Variants in SVIL observed in about 807,000 individuals in gnomAD.
SVIL encodes the protein archvillin.
SVIL carries 101 observed loss-of-function variants against 240.4 expected under a neutral mutation model. The ratio of observed to expected loss-of-function variants is 0.42; its 90% CI spans 0.36 to 0.50. The LOEUF (loss-of-function observed/expected upper bound fraction) is 0.50, where lower values mean the gene tolerates loss of function less well. Ranked by LOEUF, SVIL falls within the 20% of genes least tolerant of loss-of-function variation. The pLI is 0.01. For missense variants in SVIL, 2,512 were observed against 2,818.7 expected, an observed-to-expected ratio of 0.89 and a Z score of 2.46; for synonymous variants, 999 against 1,100.0, an observed-to-expected ratio of 0.91 and a Z score of 1.82.
chr10:29,655,545 C>T (rs1314457711), intron 3 of SVIL, among the ~76,000 whole-genome samples: 1 of 152,208 alleles, frequency 6.6e-6, no homozygotes, highest in African/African-American at 2.4e-5. Context: ...GGGTCTTCCT[C>T]TCCCACTCCA....
rs749465942 is a variant in SVIL at position 29,465,665 on chromosome 10, A to C, written c.6063T>G (p.Pro2021=). 6.2e-7 allele frequency: 1 copy of C among 1,613,754 alleles called. No individual in the cohort carries two copies. Among genetic ancestry groups the C allele is most frequent in the Non-Finnish European group, 8.5e-7 (1 of 1,179,982 alleles). ...AACTGACCACAGAGGGGGCTCGGGC[A>C]GGGTACACAAACTCTGTGGCTGCAA... is the stretch of plus-strand genomic sequence containing the variant. ...GDFAATEFVY[P]ARAPSVVSSM... is the part of the protein sequence containing the mutation. Residue 2021 remains proline (P), a synonymous_variant, in exon 34 of 38, where the codon CCT becomes CCG. Transcript: ENST00000355867.
At chr10:29,623,023 T>C (rs1326084580) in intron 1 of SVIL, among the ~76,000 whole-genome samples, 1 of 152,138 alleles carries the variant, frequency 6.6e-6, no homozygotes, top group Non-Finnish European at 1.5e-5. Flanking sequence ...TGCGAGTGTG[T>C]GTGTGTGCAT....
At chr10:29,618,862 G>A (rs1327101377) in intron 1 of SVIL, among the ~76,000 whole-genome samples, 11 of 152,036 alleles carry the variant, frequency 7.2e-5, no homozygotes, top group Non-Finnish European at 7.4e-5. Context: ...CTGGGACTAC[G>A]GGCATAGGCC....
chr10:29,505,644 AC>A (rs1250487824), intron 17 of SVIL, among the ~76,000 whole-genome samples: 1 of 152,184 alleles, frequency 6.6e-6, no homozygotes, highest in African/African-American at 2.4e-5. Flanking sequence ...AATGGACCAC[AC>A]CAAAAGTAAA....
intron 8 of SVIL, 105 bp from the exon 9 acceptor site, chr10:29,532,277 C>G: frequency 7.3e-7 from 1 of 1,366,340 alleles, no homozygotes; most frequent in East Asian, 2.4e-5. Context: ...ACAGACACCA[C>G]CAAACCCCTC....
At position 29,523,651 on chromosome 10, in the gene SVIL, T is replaced by C. The variant is rs367906431; in HGVS notation, c.2963A>G (p.His988Arg). The C allele has an allele frequency of 1.9e-6, 3 of 1,614,028 alleles. No individual in the cohort carries two copies. Among genetic ancestry groups the C allele is most frequent in the African/African-American group, 2.7e-5 (2 of 74,930 alleles). ...ILNRAREGDS[H>R]KESKYAVPRR... ...GGGAACAGCATATTTAGATTCCTTA[T>C]GGCTGTCTCCTTCCCTGGCTCGGTT... is the stretch of plus-strand genomic sequence containing the variant. Residue 988 changes from histidine (H) to arginine (R), a missense_variant, in exon 15 of 38, where the codon CAT becomes CGT. By Grantham distance (29) the His-to-Arg change is conservative. Coordinates refer to ENST00000355867, the MANE Select transcript of SVIL (RefSeq NM_021738.3).
At chr10:29,527,129 T>A in intron 12 of SVIL, 73 bp from the exon 13 acceptor site, 1 of 1,344,640 alleles carries the variant, frequency 7.4e-7, no homozygotes. Flanking sequence ...GACAGCATAG[T>A]TTTAAATTCA....
intron 17 of SVIL, among the ~76,000 whole-genome samples, chr10:29,505,903 GA>G: frequency 6.6e-6 from 1 of 152,084 alleles, no homozygotes; most frequent in African/African-American, 2.4e-5. Context: ...GGACCTCCTA[GA>G]GATACCAAAA....
chr10:29,731,196 G>A (rs762271515), intron 1 of SVIL, among the ~76,000 whole-genome samples: 9 of 152,142 alleles, frequency 5.9e-5, no homozygotes, highest in Non-Finnish European at 1.2e-4. Context: ...GTTTACGTCT[G>A]TTGTTTCTGA....
At chr10:29,591,828 G>A (rs762650156) in intron 1 of SVIL, among the ~76,000 whole-genome samples, 2 of 152,252 alleles carry the variant, frequency 1.3e-5, no homozygotes, top group Non-Finnish European at 2.9e-5. Flanking sequence ...GGAGATCCAA[G>A]TGCTCTGGGT....
intron 1 of SVIL, among the ~76,000 whole-genome samples, chr10:29,713,262 CTGTGTGTG>C (rs10647219): frequency 2.0e-5 from 3 of 148,468 alleles, no homozygotes; most frequent in African/African-American, 7.4e-5. Context: ...GTACATGCCT[CTGTGTGTG>C]TGTGTGTGTG....
chr10:29,508,290 A>T, intron 17 of SVIL: 1 of 1,190,124 alleles, frequency 8.4e-7, no homozygotes, highest in Non-Finnish European at 1.1e-6. Context: ...ACCCACGCGA[A>T]GTGTAATTCT....
chr10:29,471,855 C>A lies in SVIL; in HGVS notation c.5530-612G>T, dbSNP rs112952221. Among the ~76,000 whole-genome samples, 805 of 152,354 alleles carry A rather than the reference C, an allele frequency of 5.3e-3. 9 individuals are homozygous for A. The highest frequency in any genetic ancestry group is 0.018 in the African/African-American group (765 of 41,584). The stretch of plus-strand genomic sequence containing the variant: ...GTAGTCAGGGAGCACTGAGAGAAAG[C>A]ATTTCTCACTGTGAGTTATCAATCT... On this transcript the variant is annotated intron_variant, in intron 30 of 37. Transcript: ENST00000355867.
intron 1 of SVIL, among the ~76,000 whole-genome samples, chr10:29,612,145 G>A (rs1300509632): frequency 6.6e-6 from 1 of 152,094 alleles, no homozygotes; most frequent in Non-Finnish European, 1.5e-5. Context: ...ATAAGAGAAT[G>A]TGCTTCCACC....
rs548055419 is a variant in SVIL, at chr10:29,732,017, C to T, written c.-400+3734G>A. Among the ~76,000 whole-genome samples the T allele has an allele frequency of 6.5e-4, 99 of 152,368 alleles. 1 individual carries two copies. The highest frequency in any genetic ancestry group is 2.3e-3 in the African/African-American group (95 of 41,586). ...AGGTCTGGCGCATGCCCTGCAGCGG[C>T]TTCTTTCTTTCCAGATGGAGTGCAA... is the stretch of plus-strand genomic sequence containing the variant. On this transcript the variant is annotated intron_variant, in intron 1 of 35. Coordinates refer to the SVIL transcript ENST00000375400.
intron 36 of SVIL, among the ~76,000 whole-genome samples, chr10:29,460,558 A>G (rs1490173074): frequency 6.6e-6 from 1 of 152,196 alleles, no homozygotes; most frequent in Non-Finnish European, 1.5e-5. Flanking sequence ...GAAATTCGAG[A>G]AAGTTATATT....
chr10:29,578,023 A>G (rs1245455703), intron 1 of SVIL, among the ~76,000 whole-genome samples: 2 of 152,222 alleles, frequency 1.3e-5, no homozygotes, highest in Non-Finnish European at 2.9e-5. Flanking sequence ...ATACATTTAT[A>G]AATGTATAAA....
intron 1 of SVIL, among the ~76,000 whole-genome samples, chr10:29,569,724 G>A (rs1589289416): frequency 6.6e-6 from 1 of 152,210 alleles, no homozygotes; most frequent in African/African-American, 2.4e-5. Context: ...AACTAGAAAT[G>A]TTTGAGATGC....
rs376359633 is a variant in SVIL, at chr10:29,487,257, G to A, written c.4391C>T (p.Ser1464Leu). 45 of 1,614,018 alleles carry A rather than the reference G, an allele frequency of 2.8e-5. No individual in the cohort carries two copies. Among genetic ancestry groups the A allele is most frequent in the African/African-American group, 5.3e-5 (4 of 74,918 alleles). The change falls in exon 24 of 38, where the codon TCG (serine) becomes TTG (leucine). Residue 1464 changes from serine (S) to leucine (L), a missense_variant. Coordinates refer to ENST00000355867, the MANE Select transcript of SVIL (RefSeq NM_021738.3). The part of the protein sequence containing the change: ...VQTRLVEPRA[S>L]ALNSGDCFLL... The stretch of plus-strand genomic sequence containing the variant: ...GAAGCAGTCCCCACTGTTGAGCGCC[G>A]AAGCTCGAGGTTCCACCAGCCTGGT...
Sources: allele counts gnomAD v4.1 joint callset (sites outside exome capture counted in the v4.1 genomes callset), GRCh38; gene constraint gnomAD v4.1.1; transcripts MANE v1.5; gene names NCBI Gene and HGNC (gene_info 2026-07-23, HGNC 2026-07-21).